The following SPATA1 variants were observed in gnomAD, a reference collection of about 807,000 sequenced individuals.
SPATA1 encodes spermatogenesis-associated protein 1.
In SPATA1, 57 loss-of-function variants were observed where a neutral mutation model predicts 59.6. That is an observed-to-expected ratio of 0.96 (90% CI 0.77 to 1.19). The LOEUF is 1.19. Ranked by LOEUF, SPATA1 falls within the 50% of genes most tolerant of loss-of-function variation. The pLI is 0.00. For missense variants in SPATA1, 448 were observed against 480.7 expected, an observed-to-expected ratio of 0.93 and a Z score of 0.64; for synonymous variants, 147 against 163.9, an observed-to-expected ratio of 0.90 and a Z score of 0.79.
At chr1:84,541,270 G>C (rs1242614008) in intron 8 of SPATA1, among the ~76,000 whole-genome samples, 2 of 152,042 alleles carry the variant, frequency 1.3e-5, no homozygotes, top group African/African-American at 4.8e-5. Context: ...TTATTTCAAG[G>C]ATGTTTTCTA....
At chr1:84,560,765 T>G (rs766949645) in intron 4 of SPATA1, among the ~76,000 whole-genome samples, 4 of 152,172 alleles carry the variant, frequency 2.6e-5, no homozygotes, top group Non-Finnish European at 4.4e-5. Context: ...CTATGGCACT[T>G]AAGAATTATG....
intron 12 of SPATA1, chr1:84,552,889 A>G (rs1684320305): frequency 1.7e-6 from 1 of 594,460 alleles, no homozygotes; most frequent in Admixed American, 3.5e-5. Flanking sequence ...CATTTACTGT[A>G]GTAATCCAGT....
chr1:84,560,678 G>A (rs945168350), intron 4 of SPATA1, among the ~76,000 whole-genome samples: 1 of 152,180 alleles, frequency 6.6e-6, no homozygotes, highest in Non-Finnish European at 1.5e-5. Context: ...CAAAGTACAG[G>A]CTGATTCTCT....
At chr1:84,560,094 AAAAAAAGAAAG>A (rs1157129055) in intron 4 of SPATA1, among the ~76,000 whole-genome samples, 15 of 132,028 alleles carry the variant, frequency 1.1e-4, no homozygotes, top group African/African-American at 4.7e-4. Flanking sequence ...AAAAAAAAAA[AAAAAAAGAAAG>A]AAAGAAAGAA....
intron 1 of SPATA1, among the ~76,000 whole-genome samples, chr1:84,508,152 G>A (rs1004194644): frequency 1.3e-5 from 2 of 151,882 alleles, no homozygotes; most frequent in East Asian, 1.9e-4. Context: ...GGTGGTGCGC[G>A]CCACCCAGGA....
intron 12 of SPATA1, chr1:84,550,899 G>C: frequency 1.0e-6 from 1 of 978,484 alleles, no homozygotes; most frequent in Non-Finnish European, 1.2e-6. Flanking sequence ...ATTTTTTATG[G>C]GTAATCGTTT....
intron 1 of SPATA1, among the ~76,000 whole-genome samples, chr1:84,507,855 G>GAA (rs34765124): frequency 0.074 from 11,020 of 149,586 alleles, 796 homozygotes; most frequent in African/African-American, 0.19. Flanking sequence ...AACAGTTTCA[G>GAA]AAAAAAAAAA....
chr1:84,563,760 T>TCATAAC (rs1684637350), intron 4 of SPATA1: 1 of 1,606,690 alleles, frequency 6.2e-7, no homozygotes, highest in East Asian at 2.2e-5. Context: ...GCAGGTATAA[T>TCATAAC]CATAACCATA....
At position 84,516,291 on chromosome 1, in the gene SPATA1, TAAATG is replaced by T; in HGVS notation, c.-66_-62del. On this transcript the variant is annotated 5_prime_UTR_variant, in exon 2 of 13. The change abolishes an upstream ATG in the 5' untranslated region. Coordinates refer to ENST00000490879, the Ensembl canonical transcript of SPATA1. The stretch of plus-strand genomic sequence containing the variant: ...ATTATAATTTTTATTTAGTACTACT[TAAATG>T]AAGAAAGATAAAAAAAGAAACAAAA... The T allele has an allele frequency of 1.2e-5, 16 of 1,387,424 alleles. No homozygotes were observed. Among genetic ancestry groups the T allele is most frequent in the Non-Finnish European group, 1.4e-5 (15 of 1,040,452 alleles). The allele number at this position is 1,387,424 out of a possible 1,614,324, so 85.9% of individuals were successfully genotyped here.
At chr1:84,539,605 T>C (rs1683835834) in intron 8 of SPATA1, among the ~76,000 whole-genome samples, 1 of 152,188 alleles carries the variant, frequency 6.6e-6, no homozygotes, top group South Asian at 2.1e-4. Flanking sequence ...TAACCATTTT[T>C]TGGGGGGGTT....
chr1:84,559,783 A>G (rs147855590), intron 4 of SPATA1, among the ~76,000 whole-genome samples: 40 of 152,290 alleles, frequency 2.6e-4, no homozygotes, highest in African/African-American at 6.7e-4. Flanking sequence ...CCTGAATTCT[A>G]AGAGCTTAAA....
intron 1 of SPATA1, among the ~76,000 whole-genome samples, chr1:84,511,678 T>G (rs1279800401): frequency 1.7e-5 from 2 of 120,108 alleles, no homozygotes; most frequent in East Asian, 4.2e-4. Context: ...TTTCTTTCTT[T>G]CTTTTTTTTT....
At chr1:84,558,673 G>A (rs1292268131), downstream of SPATA1, among the ~76,000 whole-genome samples, 1 of 151,672 alleles carries the variant, frequency 6.6e-6, no homozygotes, top group Non-Finnish European at 1.5e-5. Flanking sequence ...GGCCAAGGTG[G>A]GAGAATCACT....
chr1:84,516,936 TAATTCAGTC>T, intron 2 of SPATA1, among the ~76,000 whole-genome samples: 1 of 152,280 alleles, frequency 6.6e-6, no homozygotes, highest in Non-Finnish European at 1.5e-5. Flanking sequence ...TGCCACTCAT[TAATTCAGTC>T]TTTCACTCTT....
intron 1 of SPATA1, among the ~76,000 whole-genome samples, chr1:84,513,298 G>C (rs1682653114): frequency 6.6e-6 from 1 of 152,182 alleles, no homozygotes; most frequent in South Asian, 2.1e-4. Context: ...ACCATGCCCA[G>C]CTAATTTTGT....
chr1:84,548,749 CCTTTTTTTTTTTTTT>C (rs1684173569), intron 10 of SPATA1, 22 bp from the exon 11 acceptor site: 2 of 994,914 alleles, frequency 2.0e-6, no homozygotes, highest in African/African-American at 2.6e-5. Flanking sequence ...GAAGGCCTTT[CCTTTTTTTTTTTTTT>C]TTTTTTTTTT....
intron 4 of SPATA1, among the ~76,000 whole-genome samples, chr1:84,561,794 C>A (rs1684599717): frequency 6.6e-6 from 1 of 152,192 alleles, no homozygotes. Context: ...TGATCGTTAT[C>A]ATTTTTTTAG....
At chr1:84,521,750 A>G (rs564495324) in intron 3 of SPATA1, among the ~76,000 whole-genome samples, 1 of 152,294 alleles carries the variant, frequency 6.6e-6, no homozygotes, top group South Asian at 2.1e-4. Flanking sequence ...ATGAGGGCAG[A>G]GATTTTTATT....
chr1:84,550,307 C>A, intron 11 of SPATA1, 125 bp from the exon 12 acceptor site: 1 of 456,066 alleles, frequency 2.2e-6, no homozygotes, highest in East Asian at 3.6e-5. Flanking sequence ...GTTTACTTTA[C>A]GGAATAGGTT....
Sources: allele counts gnomAD v4.1 joint callset (sites outside exome capture counted in the v4.1 genomes callset), GRCh38; gene constraint gnomAD v4.1.1; transcripts MANE v1.5; gene names NCBI Gene and HGNC (gene_info 2026-07-23, HGNC 2026-07-21).